Variants in CNTNAP2 observed in about 807,000 individuals in gnomAD.
CNTNAP2 encodes contactin associated protein 2, also known as contactin-associated protein-like 2.
A neutral mutation model predicts 155.2 loss-of-function variants in CNTNAP2; 98 were observed. The observed-to-expected ratio is 0.63, with a 90% CI of 0.54 to 0.75. The LOEUF is 0.75. CNTNAP2 is among the 30% of genes least tolerant of loss of function. CNTNAP2 has a pLI of 0.00. For synonymous variants in CNTNAP2, 651 were observed against 631.2 expected (o/e 1.03, Z -0.47); for missense variants, 1,727 against 1,688.1 (o/e 1.02, Z -0.40).
At chr7:146,486,031 C>T (rs935279583) in intron 1 of CNTNAP2, among the ~76,000 whole-genome samples, 1 of 141,312 alleles carries the variant, frequency 7.1e-6, no homozygotes, top group Non-Finnish European at 1.5e-5. Context: ...AAAAATGTAC[C>T]CAACCCACAG....
intron 21 of CNTNAP2, among the ~76,000 whole-genome samples, chr7:148,371,621 C>T (rs1563062568): frequency 6.6e-6 from 1 of 152,218 alleles, no homozygotes; most frequent in Non-Finnish European, 1.5e-5. Flanking sequence ...CTGTTCATCT[C>T]ATGATTAATC....
chr7:148,097,757 A>G (rs2085514934), intron 15 of CNTNAP2, among the ~76,000 whole-genome samples: 1 of 152,240 alleles, frequency 6.6e-6, no homozygotes, highest in Non-Finnish European at 1.5e-5. Context: ...CATAACCCAC[A>G]GCTCTCAAAC....
At chr7:147,943,065 G>A (rs1235649378) in intron 14 of CNTNAP2, among the ~76,000 whole-genome samples, 2 of 151,680 alleles carry the variant, frequency 1.3e-5, no homozygotes, top group African/African-American at 2.4e-5. Flanking sequence ...GCTTCCAACA[G>A]CAGTTCTCCT....
intron 3 of CNTNAP2, among the ~76,000 whole-genome samples, chr7:147,033,170 A>ATATATATATATATATG (rs1799072557): frequency 8.7e-5 from 4 of 46,222 alleles, no homozygotes; most frequent in African/African-American, 2.5e-4. Context: ...GTATATATAT[A>ATATATATATATATATG]TATATATATA....
intron 14 of CNTNAP2, among the ~76,000 whole-genome samples, chr7:147,963,621 G>C (rs541911014): frequency 2.4e-4 from 36 of 152,214 alleles, no homozygotes; most frequent in Non-Finnish European, 4.3e-4. Context: ...ATTATATTCT[G>C]TATTCCTAAA....
At chr7:146,160,846 A>G (rs982367091) in intron 1 of CNTNAP2, among the ~76,000 whole-genome samples, 1 of 152,210 alleles carries the variant, frequency 6.6e-6, no homozygotes, top group African/African-American at 2.4e-5. Flanking sequence ...TCCCTAATTC[A>G]TTTTTTGAGG....
chr7:147,246,271 T>A (rs530976030), intron 8 of CNTNAP2, among the ~76,000 whole-genome samples: 12 of 152,042 alleles, frequency 7.9e-5, no homozygotes, highest in Non-Finnish European at 1.6e-4. Context: ...TCACTAAATA[T>A]CCTCTTGCCT....
intron 1 of CNTNAP2, among the ~76,000 whole-genome samples, chr7:146,162,044 A>G (rs1481374328): frequency 2.0e-5 from 3 of 152,214 alleles, no homozygotes; most frequent in Non-Finnish European, 4.4e-5. Context: ...TGTTAGACCT[A>G]AAACCATAAA....
chr7:146,836,868 G>T (rs1803627716), intron 2 of CNTNAP2, among the ~76,000 whole-genome samples: 3 of 151,770 alleles, frequency 2.0e-5, no homozygotes, highest in Non-Finnish European at 2.9e-5. Flanking sequence ...ATATATTTTT[G>T]CTGGACATAG....
At chr7:148,192,962 A>T (rs559346493) in intron 18 of CNTNAP2, among the ~76,000 whole-genome samples, 2 of 152,306 alleles carry the variant, frequency 1.3e-5, no homozygotes, top group East Asian at 3.9e-4. Context: ...TTCTCTTTTT[A>T]AAAATTAACA....
rs568873181 is a variant in CNTNAP2, at chr7:146,436,141, C to T, written c.97+319168C>T. The stretch of plus-strand genomic sequence containing the variant: ...ACTGTTAATTACCTATAACTAGCAC[C>T]ATGTATCTCTCCTAGCAATACTCTT... On this transcript the variant is annotated intron_variant, in intron 1 of 23. Coordinates refer to ENST00000361727, the MANE Select transcript of CNTNAP2 (RefSeq NM_014141.6). 5.3e-5 allele frequency among the ~76,000 whole-genome samples: 8 copies of T among 152,210 alleles called. No homozygotes were observed. In the South Asian group the frequency reaches 1.7e-3, roughly 32 times the overall value.
At chr7:146,527,559 G>T (rs1358627150) in intron 1 of CNTNAP2, among the ~76,000 whole-genome samples, 8 of 150,066 alleles carry the variant, frequency 5.3e-5, no homozygotes, top group African/African-American at 2.0e-4. Context: ...AAAATAAGGT[G>T]AGCTTGGAAA....
At chr7:147,295,513 A>C (rs1025005665) in intron 8 of CNTNAP2, among the ~76,000 whole-genome samples, 1 of 152,294 alleles carries the variant, frequency 6.6e-6, no homozygotes, top group Middle Eastern at 3.4e-3. Flanking sequence ...GTTTAAAAAA[A>C]TTTTGTGAGG....
chr7:147,580,834 T>C (rs1418859744), intron 12 of CNTNAP2, among the ~76,000 whole-genome samples: 1 of 152,178 alleles, frequency 6.6e-6, no homozygotes, highest in African/African-American at 2.4e-5. Flanking sequence ...CAGGCTGGTC[T>C]CGAACTTCTG....
intron 21 of CNTNAP2, among the ~76,000 whole-genome samples, chr7:148,299,485 G>C (rs1336924184): frequency 6.6e-6 from 1 of 152,146 alleles, no homozygotes; most frequent in Non-Finnish European, 1.5e-5. Context: ...TTCTGCACAG[G>C]ACAGGATGCA....
intron 13 of CNTNAP2, chr7:147,897,111 A>G (rs1359214870): frequency 1.3e-5 from 2 of 152,142 alleles, no homozygotes; most frequent in Non-Finnish European, 2.9e-5. Context: ...CTTTTCCCCT[A>G]GAGTATGTTC....
intron 15 of CNTNAP2, among the ~76,000 whole-genome samples, chr7:148,006,145 C>T (rs539159449): frequency 6.6e-6 from 1 of 151,434 alleles, no homozygotes; most frequent in African/African-American, 2.4e-5. Flanking sequence ...CTCTATGAGC[C>T]CAAAGGCTAA....
At chr7:147,842,819 A>C (rs1584985763) in intron 13 of CNTNAP2, among the ~76,000 whole-genome samples, 2 of 55,840 alleles carry the variant, frequency 3.6e-5, no homozygotes, top group East Asian at 4.9e-4. Context: ...TTCAATTCCC[A>C]CCTATGAGTG....
intron 1 of CNTNAP2, among the ~76,000 whole-genome samples, chr7:146,245,484 C>G (rs946882409): frequency 1.3e-5 from 2 of 152,040 alleles, no homozygotes; most frequent in African/African-American, 4.8e-5. Context: ...GCAGACATGA[C>G]GGCTAGGCTA....
Sources: allele counts gnomAD v4.1 joint callset (sites outside exome capture counted in the v4.1 genomes callset), GRCh38; gene constraint gnomAD v4.1.1; transcripts MANE v1.5; gene names NCBI Gene and HGNC (gene_info 2026-07-23, HGNC 2026-07-21).